PPP1R13B: variants seen among roughly 807,000 people sequenced by gnomAD.
PPP1R13B encodes apoptosis-stimulating of p53 protein 1.
PPP1R13B carries 44 observed loss-of-function variants against 119.8 expected under a neutral mutation model. The observed-to-expected ratio is 0.37, with a 90% CI of 0.29 to 0.47. The LOEUF is 0.47. PPP1R13B is among the 20% of genes least tolerant of loss of function. The probability of loss-of-function intolerance (pLI) is 0.99; values close to 1 mark genes in which losing one functional copy is unlikely to be tolerated. For missense variants in PPP1R13B, 1,227 were observed against 1,413.5 expected, an observed-to-expected ratio of 0.87 and a Z score of 2.12; for synonymous variants, 542 against 561.5, an observed-to-expected ratio of 0.97 and a Z score of 0.49.
chr14:103,845,364 G>A (rs2087004760), intron 1 of PPP1R13B, among the ~76,000 whole-genome samples: 1 of 152,068 alleles, frequency 6.6e-6, no homozygotes, highest in Admixed American at 6.5e-5. Context: ...GGATCAAAAA[G>A]GAAATACAAA....
intron 1 of PPP1R13B, among the ~76,000 whole-genome samples, chr14:103,826,710 C>CAA (rs552679526): frequency 1.4e-4 from 12 of 88,286 alleles, no homozygotes; most frequent in East Asian, 3.5e-4. Flanking sequence ...CTGTCTCTAC[C>CAA]AAAAAAAAAA....
Position 103,753,239 on chromosome 14 carries a change from T to C in PPP1R13B, c.632-43A>G, listed in dbSNP as rs562630501. The C allele has an allele frequency of 7.0e-6, 10 of 1,430,618 alleles. No homozygotes were observed. In the South Asian group the frequency reaches 1.0e-4, roughly 15 times the overall value. The allele number at this position is 1,430,618 out of a possible 1,614,324, so 88.6% of individuals were successfully genotyped here. Reference sequence around the variant, plus strand: ...AGAAAAGAATAAAAGATTTAGTTGATCCTTTTTTTTTTTCATTTCTATACA... The same window carrying C: ...AGAAAAGAATAAAAGATTTAGTTGACCCTTTTTTTTTTTCATTTCTATACA... On this transcript the variant is annotated intron_variant, in intron 6 of 16. Transcript: ENST00000202556.
Position 103,741,827 on chromosome 14 carries a change from C to T in PPP1R13B, c.1785G>A (p.Pro595=), listed in dbSNP as rs535431125. The change falls in exon 11 of 17, where the codon CCG becomes CCA. Residue 595 remains proline (P), a synonymous_variant. Transcript: ENST00000202556. ...ACTTATTTAAGGCGCTGTGTGCTGC[C>T]GGCTGGTAATTCTTAGGTGGTGTGG... is the stretch of plus-strand genomic sequence containing the variant. ...QQATPPKNYQ[P]AAHSALNKSV... The T allele has an allele frequency of 1.2e-4, 187 of 1,614,160 alleles. 2 individuals are homozygous for T. The South Asian group carries it at 1.9e-3, about 16-fold the overall frequency.
intron 4 of PPP1R13B, among the ~76,000 whole-genome samples, chr14:103,769,173 C>T (rs1379016689): frequency 2.0e-5 from 3 of 152,146 alleles, no homozygotes; most frequent in Non-Finnish European, 4.4e-5. Context: ...GCAACCTGTG[C>T]CTCCTGGGTT....
intron 1 of PPP1R13B, among the ~76,000 whole-genome samples, chr14:103,812,768 A>G (rs1378908606): frequency 6.6e-6 from 1 of 152,234 alleles, no homozygotes; most frequent in Non-Finnish European, 1.5e-5. Context: ...TTCACCAAAG[A>G]TGACATACAA....
At chr14:103,776,060 A>C (rs4906368) in intron 4 of PPP1R13B, among the ~76,000 whole-genome samples, 87,362 of 151,086 alleles carry the variant, frequency 0.58, 27,217 homozygotes, top group African/African-American at 0.84. Context: ...AGACAAAGCA[A>C]AAAAGGTTTA....
intron 1 of PPP1R13B, among the ~76,000 whole-genome samples, chr14:103,813,338 A>T: frequency 6.6e-6 from 1 of 152,180 alleles, no homozygotes; most frequent in African/African-American, 2.4e-5. Flanking sequence ...TATAAAAAAT[A>T]AGACAGTACA....
Position 103,734,413 on chromosome 14 carries a change from C to T in PPP1R13B, c.*741G>A. 2.4e-6 allele frequency: 1 copy of T among 419,964 alleles called. No individual in the cohort carries two copies. The highest frequency in any genetic ancestry group is 6.7e-4 in the Middle Eastern group (1 of 1,482). The allele number at this position is 419,964 out of a possible 1,614,324, so 26.0% of individuals were successfully genotyped here. A position where few individuals can be genotyped will look rare whatever the true frequency, so the allele number is the denominator to read the frequency against. On this transcript the variant is annotated 3_prime_UTR_variant, in exon 17 of 17. Coordinates refer to ENST00000202556, the MANE Select transcript of PPP1R13B (RefSeq NM_015316.3). The stretch of plus-strand genomic sequence containing the variant: ...AATTTGAGCTTGCAGGGGTGAGAAC[C>T]ACACTGAGCAGCATGACAGGCTGTG...
chr14:103,791,118 T>TTTC (rs34545617), intron 2 of PPP1R13B, among the ~76,000 whole-genome samples: 60,608 of 144,656 alleles, frequency 0.42, 12,244 homozygotes, highest in African/African-American at 0.5. Context: ...TGCTGACTTT[T>TTTC]TTCTTCTTTT....
At chr14:103,848,256 T>TGCCACCTGTGCCCACCTGC, upstream of PPP1R13B, 1 of 985,386 alleles carries the variant, frequency 1.0e-6, no homozygotes. Context: ...CGCCCACCTG[T>TGCCACCTGTGCCCACCTGC]GCCACCTGTG....
At position 103,806,007 on chromosome 14, in the gene PPP1R13B, A is replaced by G. The variant is rs553538278; in HGVS notation, c.10-8489T>C. On this transcript the variant is annotated intron_variant, in intron 1 of 16. Transcript: ENST00000202556. ...CACTGAATGTTCACTTAAAATAGGT[A>G]AACTTTACGGCACATAAATTATAAC... Among the ~76,000 whole-genome samples, 15 of 152,378 alleles carry G rather than the reference A, an allele frequency of 9.8e-5. 1 individual carries two copies. Among genetic ancestry groups the G allele is most frequent in the Admixed American group, 8.5e-4 (13 of 15,308 alleles).
At chr14:103,759,388 G>T (rs1229562508) in intron 4 of PPP1R13B, 1 of 150,788 alleles carries the variant, frequency 6.6e-6, no homozygotes, top group Non-Finnish European at 1.5e-5. Flanking sequence ...CCCAGGCTGG[G>T]GTACAGTGGT....
chr14:103,805,652 C>T (rs547193784), intron 1 of PPP1R13B, among the ~76,000 whole-genome samples: 1 of 152,084 alleles, frequency 6.6e-6, no homozygotes, highest in Non-Finnish European at 1.5e-5. Context: ...TCTCCATTAA[C>T]AGATAATTAT....
At chr14:103,794,958 T>TTTG (rs1567129705) in intron 2 of PPP1R13B, among the ~76,000 whole-genome samples, 1 of 152,008 alleles carries the variant, frequency 6.6e-6, no homozygotes, top group African/African-American at 2.4e-5. Context: ...TTGTTTGTTT[T>TTTG]TTTTTGAGAC....
chr14:103,839,160 G>A lies in PPP1R13B; in HGVS notation c.9+8139C>T, dbSNP rs28654636. On this transcript the variant is annotated intron_variant, in intron 1 of 16. Transcript: ENST00000202556. ...CCCAAGTAGCTGTGATTACAGGCAC[G>A]TGCCACCACACCCAGCTAATTTTTT... 7.2e-4 allele frequency among the ~76,000 whole-genome samples: 110 copies of A among 152,104 alleles called. 1 individual carries two copies. The East Asian group carries it at 0.018, about 24-fold the overall frequency.
chr14:103,807,387 A>G (rs2086041459), intron 1 of PPP1R13B, among the ~76,000 whole-genome samples: 1 of 152,230 alleles, frequency 6.6e-6, no homozygotes, highest in Non-Finnish European at 1.5e-5. Flanking sequence ...ACTAGAACAC[A>G]TAAGCTTCTT....
At chr14:103,771,275 A>T (rs1359260802) in intron 4 of PPP1R13B, among the ~76,000 whole-genome samples, 1 of 152,156 alleles carries the variant, frequency 6.6e-6, no homozygotes, top group Non-Finnish European at 1.5e-5. Flanking sequence ...GTGTCAAAAA[A>T]TGCCCAGAGG....
chr14:103,752,045 G>C (rs892892967), intron 7 of PPP1R13B, among the ~76,000 whole-genome samples: 4 of 152,166 alleles, frequency 2.6e-5, no homozygotes, highest in African/African-American at 9.6e-5. Context: ...GTGTGTTTTG[G>C]TTAATATCCT....
At chr14:103,777,244 T>G (rs553231159) in intron 4 of PPP1R13B, among the ~76,000 whole-genome samples, 1 of 152,062 alleles carries the variant, frequency 6.6e-6, no homozygotes, top group Non-Finnish European at 1.5e-5. Flanking sequence ...CCACCGACCT[T>G]GGCCTCCCAA....
Sources: gnomAD v4.1 joint callset for allele counts (sites outside exome capture counted in the v4.1 genomes callset) on GRCh38, gnomAD v4.1.1 for gene constraint, MANE v1.5 for transcripts, NCBI Gene and HGNC (gene_info 2026-07-23, HGNC 2026-07-21) for gene names.